Variants in HS2ST1 observed in about 807,000 individuals in gnomAD.
HS2ST1 encodes the protein 2-O-sulfotransferase.
HS2ST1 carries 18 observed loss-of-function variants against 42.9 expected under a neutral mutation model. The observed-to-expected ratio is 0.42, with a 90% CI of 0.29 to 0.62. HS2ST1 has a LOEUF of 0.62. HS2ST1 is among the 20% of genes least tolerant of loss of function. The probability of loss-of-function intolerance (pLI) is 0.21; values close to 1 mark genes in which losing one functional copy is unlikely to be tolerated. For missense variants in HS2ST1, 334 were observed against 433.8 expected (o/e 0.77, Z 2.04); for synonymous variants, 146 against 152.9 (o/e 0.95, Z 0.33).
intron 1 of HS2ST1, among the ~76,000 whole-genome samples, chr1:87,059,594 C>G (rs1258842202): frequency 6.6e-6 from 1 of 152,140 alleles, no homozygotes; most frequent in African/African-American, 2.4e-5. Context: ...TTTCAAGTGA[C>G]TGAAATGAGT....
At chr1:87,060,841 C>G (rs981950224) in intron 1 of HS2ST1, among the ~76,000 whole-genome samples, 3 of 151,972 alleles carry the variant, frequency 2.0e-5, no homozygotes, top group African/African-American at 7.2e-5. Flanking sequence ...GTAACCTTAG[C>G]AATAACACAA....
chr1:86,953,956 T>G (rs1647597900), intron 1 of HS2ST1, among the ~76,000 whole-genome samples: 1 of 149,286 alleles, frequency 6.7e-6, no homozygotes, highest in Non-Finnish European at 1.5e-5. Flanking sequence ...ACACAACTTG[T>G]ATTAAGTTCA....
chr1:86,936,440 G>C (rs1223897992), intron 1 of HS2ST1, among the ~76,000 whole-genome samples: 2 of 152,042 alleles, frequency 1.3e-5, no homozygotes, highest in Non-Finnish European at 2.9e-5. Context: ...TACATTATTA[G>C]TTGATTTCTC....
intron 1 of HS2ST1, among the ~76,000 whole-genome samples, chr1:87,068,773 A>G (rs1221397001): frequency 1.3e-5 from 2 of 152,238 alleles, no homozygotes; most frequent in African/African-American, 2.4e-5. Flanking sequence ...GCTATATACT[A>G]TATTCTTACA....
At chr1:87,040,438 A>G (rs6693974) in intron 1 of HS2ST1, among the ~76,000 whole-genome samples, 111,640 of 151,738 alleles carry the variant, frequency 0.74, 42,619 homozygotes, top group East Asian at 0.97. Flanking sequence ...TGAAGTACCT[A>G]TATCTTTAAA....
intron 1 of HS2ST1, among the ~76,000 whole-genome samples, chr1:86,922,507 A>G (rs1570422991): frequency 6.6e-6 from 1 of 151,438 alleles, no homozygotes; most frequent in African/African-American, 2.4e-5. Context: ...AACATTACTT[A>G]CACTTAAAAA....
At chr1:87,039,345 C>CTAA (rs1230848605) in intron 1 of HS2ST1, among the ~76,000 whole-genome samples, 2 of 152,166 alleles carry the variant, frequency 1.3e-5, no homozygotes, top group Non-Finnish European at 1.5e-5. Context: ...CGGTGTGGAC[C>CTAA]ATAGGTATCT....
At chr1:86,990,721 G>A (rs1353833197) in intron 1 of HS2ST1, among the ~76,000 whole-genome samples, 4 of 143,964 alleles carry the variant, frequency 2.8e-5, no homozygotes, top group Middle Eastern at 3.7e-3. Flanking sequence ...TTGGTTCATC[G>A]CAACCTCCAC....
intron 1 of HS2ST1, among the ~76,000 whole-genome samples, chr1:86,941,334 A>C (rs1292407940): frequency 2.7e-5 from 4 of 150,048 alleles, no homozygotes; most frequent in African/African-American, 1.0e-4. Context: ...TTTCTTAGCC[A>C]TGGAGTTTTT....
intron 1 of HS2ST1, among the ~76,000 whole-genome samples, chr1:86,922,086 T>C (rs1474823476): frequency 6.6e-6 from 1 of 152,126 alleles, no homozygotes; most frequent in African/African-American, 2.4e-5. Context: ...GATTCCTTTT[T>C]TTCTGTTGTC....
chr1:86,926,908 G>A (rs1171833028), intron 1 of HS2ST1, among the ~76,000 whole-genome samples: 1 of 152,156 alleles, frequency 6.6e-6, no homozygotes, highest in African/African-American at 2.4e-5. Context: ...TCAAGCGTAT[G>A]TTAGTTAATT....
At chr1:86,950,202 T>C (rs969453326) in intron 1 of HS2ST1, among the ~76,000 whole-genome samples, 1 of 152,212 alleles carries the variant, frequency 6.6e-6, no homozygotes, top group South Asian at 2.1e-4. Context: ...AGAGTACAAC[T>C]TCACCTGTTT....
intron 1 of HS2ST1, among the ~76,000 whole-genome samples, chr1:87,042,038 C>G (rs1650536262): frequency 1.3e-5 from 2 of 151,890 alleles, no homozygotes; most frequent in African/African-American, 4.8e-5. Flanking sequence ...AAGCATTTTC[C>G]TTATTATTGT....
At chr1:86,925,707 A>G (rs1303866079) in intron 1 of HS2ST1, among the ~76,000 whole-genome samples, 1 of 152,208 alleles carries the variant, frequency 6.6e-6, no homozygotes, top group Non-Finnish European at 1.5e-5. Flanking sequence ...CTCCTGCAAC[A>G]CATGTGAATT....
At chr1:87,024,934 T>G (rs1426749141) in intron 1 of HS2ST1, among the ~76,000 whole-genome samples, 1 of 152,230 alleles carries the variant, frequency 6.6e-6, no homozygotes, top group Admixed American at 6.5e-5. Flanking sequence ...ATAACAATCA[T>G]GCTTAATGTA....
chr1:87,053,322 C>A (rs1306467035), intron 1 of HS2ST1, among the ~76,000 whole-genome samples: 6 of 152,116 alleles, frequency 3.9e-5, no homozygotes, highest in Non-Finnish European at 8.8e-5. Flanking sequence ...AATCAAAGCA[C>A]ATCTATTTTA....
chr1:87,080,309 T>C (rs1651652775), intron 2 of HS2ST1, among the ~76,000 whole-genome samples: 1 of 151,974 alleles, frequency 6.6e-6, no homozygotes, highest in African/African-American at 2.4e-5. Context: ...GAATGGGAAG[T>C]TGATATGACA....
At chr1:87,014,747 C>T (rs1268365003) in intron 1 of HS2ST1, among the ~76,000 whole-genome samples, 1 of 152,172 alleles carries the variant, frequency 6.6e-6, no homozygotes, top group African/African-American at 2.4e-5. Flanking sequence ...ATACTTCTAC[C>T]CAACACATCT....
intron 1 of HS2ST1, among the ~76,000 whole-genome samples, chr1:86,991,804 T>C (rs1285715116): frequency 6.6e-6 from 1 of 152,200 alleles, no homozygotes; most frequent in African/African-American, 2.4e-5. Context: ...GTAGTTTGGC[T>C]CTTTACTACT....
Sources: gnomAD v4.1 joint callset for allele counts (sites outside exome capture counted in the v4.1 genomes callset) on GRCh38, gnomAD v4.1.1 for gene constraint, MANE v1.5 for transcripts, NCBI Gene and HGNC (gene_info 2026-07-23, HGNC 2026-07-21) for gene names.